The following UBE2R2 variants were observed in gnomAD, a reference collection of about 807,000 sequenced individuals.
UBE2R2 encodes the protein ubiquitin conjugating enzyme E2 R2, also known as ubiquitin-conjugating enzyme E2 R2.
In UBE2R2, 1 loss-of-function variant was observed where a neutral mutation model predicts 27.8. That is an observed-to-expected ratio of 0.04 (90% confidence interval 0.01 to 0.17). The LOEUF (loss-of-function observed/expected upper bound fraction) is 0.17. Ranked by LOEUF, UBE2R2 falls within the 10% of genes least tolerant of loss-of-function variation. The probability of loss-of-function intolerance (pLI) is 1.00; values close to 1 mark genes in which losing one functional copy is unlikely to be tolerated. For missense variants in UBE2R2, 100 were observed against 291.0 expected (o/e 0.34, Z 4.78); for synonymous variants, 106 against 113.3 (o/e 0.94, Z 0.41).
chr9:33,913,238 C>T (rs979507922), intron 4 of UBE2R2, among the ~76,000 whole-genome samples: 5 of 152,040 alleles, frequency 3.3e-5, no homozygotes, highest in Admixed American at 6.6e-5. Context: ...GAATTACAGG[C>T]GTGAGCCACT....
intron 2 of UBE2R2, among the ~76,000 whole-genome samples, chr9:33,887,646 T>TTTG (rs1564000588): frequency 2.1e-4 from 31 of 150,124 alleles, no homozygotes; most frequent in Non-Finnish European, 3.9e-4. Flanking sequence ...AAGTGTGCTT[T>TTTG]TTTGTTTGTT....
At chr9:33,859,760 TTGTG>T (rs57089790) in intron 1 of UBE2R2, among the ~76,000 whole-genome samples, 5,330 of 130,556 alleles carry the variant, frequency 0.041, 158 homozygotes, top group Middle Eastern at 0.089. Context: ...TCTAAGCCTT[TTGTG>T]TGTGTGTGTG....
chr9:33,889,639 G>A (rs1318497932), intron 2 of UBE2R2, among the ~76,000 whole-genome samples: 2 of 152,188 alleles, frequency 1.3e-5, no homozygotes, highest in East Asian at 3.8e-4. Context: ...ATTTTAGATA[G>A]CAAGAGAGAA....
At chr9:33,859,911 A>G (rs899044920) in intron 1 of UBE2R2, among the ~76,000 whole-genome samples, 6 of 151,562 alleles carry the variant, frequency 4.0e-5, no homozygotes, top group Non-Finnish European at 7.4e-5. Flanking sequence ...GGCTCAAGCA[A>G]TCTTTCTACC....
intron 1 of UBE2R2, among the ~76,000 whole-genome samples, chr9:33,853,265 A>T (rs1587445538): frequency 6.9e-6 from 1 of 145,406 alleles, no homozygotes; most frequent in African/African-American, 2.5e-5. Flanking sequence ...AGCAAGACTT[A>T]CCTGGCTTTA....
intron 1 of UBE2R2, among the ~76,000 whole-genome samples, chr9:33,866,272 T>C (rs1414816651): frequency 6.6e-6 from 1 of 151,298 alleles, no homozygotes; most frequent in Non-Finnish European, 1.5e-5. Context: ...AGAGTCTTGC[T>C]CCCTCACCCA....
intron 1 of UBE2R2, among the ~76,000 whole-genome samples, chr9:33,873,174 T>TAAAA (rs540364601): frequency 6.4e-5 from 7 of 109,186 alleles, no homozygotes; most frequent in Non-Finnish European, 1.2e-4. Flanking sequence ...GACTCCGTCT[T>TAAAA]AAAAAAAAAA....
chr9:33,828,653 C>T (rs1820373308), intron 1 of UBE2R2, among the ~76,000 whole-genome samples: 1 of 152,118 alleles, frequency 6.6e-6, no homozygotes, highest in Non-Finnish European at 1.5e-5. Context: ...TCTCCGCCTC[C>T]CTGGTTTAAG....
At chr9:33,848,760 AC>A (rs1820899796) in intron 1 of UBE2R2, among the ~76,000 whole-genome samples, 1 of 151,786 alleles carries the variant, frequency 6.6e-6, no homozygotes, top group East Asian at 2.0e-4. Flanking sequence ...GCCTGCCACC[AC>A]GCCTGGCAGA....
Position 33,917,515 on chromosome 9 carries a change from C to G in UBE2R2, c.*278C>G, listed in dbSNP as rs1270102914. ...TTTTAAAAAATATGAACCCAAACTC[C>G]CGCCTCACTTCGTCTCTACAGAATG... On this transcript the variant is annotated 3_prime_UTR_variant, in exon 5 of 5. Transcript: ENST00000263228. 6 of 552,314 alleles carry G rather than the reference C, an allele frequency of 1.1e-5. No individual in the cohort carries two copies. In the South Asian group the frequency reaches 1.1e-4, roughly 10 times the overall value. The allele number at this position is 552,314 out of a possible 1,614,324, so 34.2% of individuals were successfully genotyped here. A position where few individuals can be genotyped will look rare whatever the true frequency, so the allele number is the denominator to read the frequency against.
chr9:33,893,104 C>A (rs1388849997), intron 2 of UBE2R2, among the ~76,000 whole-genome samples: 1 of 152,054 alleles, frequency 6.6e-6, no homozygotes, highest in Non-Finnish European at 1.5e-5. Flanking sequence ...AATAAATAAT[C>A]AATTCAATAA....
In UBE2R2 at chr9:33,905,412, C is replaced by G. The variant is rs115817787; in HGVS notation, c.362+5141C>G. Among the ~76,000 whole-genome samples the G allele has an allele frequency of 7.9e-3, 1,204 of 152,250 alleles. 13 individuals are homozygous for G. The highest frequency in any genetic ancestry group is 0.027 in the African/African-American group (1,102 of 41,542). ...AGCTCTTTTAAACCCAATTCTGGAA[C>G]AGTGTGGTTTTATTTATTTGCTTCC... On this transcript the variant is annotated intron_variant, in intron 3 of 4. Transcript: ENST00000263228.
intron 1 of UBE2R2, among the ~76,000 whole-genome samples, chr9:33,835,824 A>G (rs542885219): frequency 6.6e-6 from 1 of 152,270 alleles, no homozygotes; most frequent in South Asian, 2.1e-4. Flanking sequence ...TCAAGGTTAC[A>G]GTGAGCTATG....
At chr9:33,854,917 G>T (rs1935198188) in intron 1 of UBE2R2, among the ~76,000 whole-genome samples, 1 of 151,790 alleles carries the variant, frequency 6.6e-6, no homozygotes, top group Non-Finnish European at 1.5e-5. Context: ...TCACTATGTT[G>T]TCCAGGTTGG....
intron 1 of UBE2R2, among the ~76,000 whole-genome samples, chr9:33,865,306 G>A (rs184619646): frequency 4.6e-5 from 7 of 152,188 alleles, no homozygotes; most frequent in African/African-American, 1.4e-4. Flanking sequence ...CCTGGGTTCA[G>A]CGATTCTCCT....
chr9:33,887,791 T>A (rs779062768), intron 2 of UBE2R2, among the ~76,000 whole-genome samples: 2 of 152,110 alleles, frequency 1.3e-5, no homozygotes, highest in Non-Finnish European at 1.5e-5. Context: ...GTTCTCCTGC[T>A]TCAGCCTTCC....
chr9:33,882,828 C>A (rs1563999192), intron 1 of UBE2R2, among the ~76,000 whole-genome samples: 1 of 152,148 alleles, frequency 6.6e-6, no homozygotes, highest in Non-Finnish European at 1.5e-5. Context: ...GTGGCTGATA[C>A]CTGTAATCCT....
chr9:33,830,585 C>T (rs1820447248), intron 1 of UBE2R2, among the ~76,000 whole-genome samples: 1 of 151,140 alleles, frequency 6.6e-6, no homozygotes, highest in African/African-American at 2.4e-5. Flanking sequence ...TGACCAACAT[C>T]GTGAAACCCC....
intron 4 of UBE2R2, among the ~76,000 whole-genome samples, chr9:33,915,699 A>G (rs1023924207): frequency 6.6e-5 from 10 of 152,328 alleles, no homozygotes; most frequent in Admixed American, 1.3e-4. Flanking sequence ...GTGCCAGGCT[A>G]TGTGCTAGGC....
Sources: allele counts gnomAD v4.1 joint callset (sites outside exome capture counted in the v4.1 genomes callset), GRCh38; gene constraint gnomAD v4.1.1; transcripts MANE v1.5; gene names NCBI Gene and HGNC (gene_info 2026-07-23, HGNC 2026-07-21).